Variants in RALGAPA1 observed in about 807,000 individuals in gnomAD.
RALGAPA1 encodes ral GTPase-activating protein subunit alpha-1.
A neutral mutation model predicts 269.6 loss-of-function variants in RALGAPA1; 52 were observed. The ratio of observed to expected loss-of-function variants is 0.19; its 90% CI spans 0.15 to 0.24. The LOEUF (loss-of-function observed/expected upper bound fraction) is 0.24, where lower values mean the gene tolerates loss of function less well. RALGAPA1 is among the 10% of genes least tolerant of loss of function. The probability of loss-of-function intolerance (pLI) is 1.00; values close to 1 mark genes in which losing one functional copy is unlikely to be tolerated. For synonymous variants in RALGAPA1, 817 were observed against 1,008.3 expected (o/e 0.81, Z 3.60); for missense variants, 1,917 against 3,013.9 (o/e 0.64, Z 8.52).
chr14:35,760,711 T>C, intron 6 of RALGAPA1, 118 bp downstream of exon 6: 1 of 657,984 alleles, frequency 1.5e-6, no homozygotes, highest in East Asian at 2.8e-5. Context: ...AAAAGCTATG[T>C]TTTAAAGCAT....
chr14:35,767,110 G>C, intron 4 of RALGAPA1: 1 of 243,938 alleles, frequency 4.1e-6, no homozygotes. Context: ...CTCTAACACA[G>C]TAGAGATAAA....
intron 33 of RALGAPA1, among the ~76,000 whole-genome samples, chr14:35,632,008 T>G (rs2061387682): frequency 6.6e-6 from 1 of 152,144 alleles, no homozygotes; most frequent in African/African-American, 2.4e-5. Context: ...TGTTCACAAG[T>G]CTGTCATAAT....
At chr14:35,604,770 T>C (rs1379515621) in intron 36 of RALGAPA1, among the ~76,000 whole-genome samples, 1 of 152,114 alleles carries the variant, frequency 6.6e-6, no homozygotes, top group African/African-American at 2.4e-5. Context: ...ATCTTGGAGC[T>C]ACAGATTTGG....
At chr14:35,630,695 G>T (rs1008257246) in intron 33 of RALGAPA1, among the ~76,000 whole-genome samples, 4 of 152,140 alleles carry the variant, frequency 2.6e-5, no homozygotes, top group Admixed American at 6.5e-5. Context: ...AGTAGTTCGA[G>T]ACCAGCCTGG....
intron 12 of RALGAPA1, among the ~76,000 whole-genome samples, chr14:35,737,786 A>AAAAAAAAAAAAAAAAAAAAAAAAAC: frequency 7.2e-6 from 1 of 139,168 alleles, no homozygotes; most frequent in African/African-American, 2.7e-5. Flanking sequence ...AAAAAAAAAA[A>AAAAAAAAAAAAAAAAAAAAAAAAAC]AAAAAAAAGA....
chr14:35,581,361 A>G (rs1471909718), intron 37 of RALGAPA1, among the ~76,000 whole-genome samples: 1 of 152,136 alleles, frequency 6.6e-6, no homozygotes, highest in East Asian at 1.9e-4. Context: ...ATTTCTACGA[A>G]AAGAAAGTTT....
Position 35,725,128 on chromosome 14 carries a change from T to G in RALGAPA1, c.1762A>C (p.Arg588=). 1 of 1,593,300 alleles carries G rather than the reference T, an allele frequency of 6.3e-7. No homozygotes were observed. Among genetic ancestry groups the G allele is most frequent in the South Asian group, 1.2e-5 (1 of 86,756 alleles). The part of the protein sequence containing the change: ...TWEQMLLVLL[R]VTESVLKMPS... ...ATCTTCAGTACAGATTCCGTGACTC[T>G]GAGCAACACAAGCAGCATCTGTTCC... The change falls in exon 14 of 42, where the codon AGA becomes CGA. Residue 588 remains arginine, a synonymous_variant. Transcript: ENST00000680220.
At chr14:35,550,132 A>G (rs537077111) in intron 39 of RALGAPA1, among the ~76,000 whole-genome samples, 12 of 152,364 alleles carry the variant, frequency 7.9e-5, no homozygotes, top group African/African-American at 2.6e-4. Flanking sequence ...AAGAGAGAGA[A>G]TATTTCTGTT....
chr14:35,670,653 G>A (rs999122716), intron 26 of RALGAPA1, among the ~76,000 whole-genome samples: 9 of 152,162 alleles, frequency 5.9e-5, no homozygotes, highest in Admixed American at 2.0e-4. Flanking sequence ...GGCTGGGCAC[G>A]GTGGCTCACG....
rs772352772 is a variant in RALGAPA1 at position 35,721,781 on chromosome 14, G to A, written c.2173C>T (p.Pro725Ser). The change falls in exon 16 of 42, where the codon CCT (proline) becomes TCT (serine). Residue 725 changes from proline to serine, a missense_variant. Physicochemically the swap from Pro to Ser is moderately conservative, Grantham distance 74. Transcript: ENST00000680220. ...SFSRGWSRDQ[P>S]GQAPMRQRSA... ...CTCTGTCTCATTGGGGCTTGGCCAG[G>A]CTGATCACGACTCCATCCTCTAGAA... 2 of 1,611,918 alleles carry A rather than the reference G, an allele frequency of 1.2e-6. No homozygotes were observed. Among genetic ancestry groups the A allele is most frequent in the Non-Finnish European group, 1.7e-6 (2 of 1,178,030 alleles).
intron 37 of RALGAPA1, among the ~76,000 whole-genome samples, chr14:35,594,562 C>T (rs1391928802): frequency 1.3e-5 from 2 of 151,984 alleles, no homozygotes; most frequent in Non-Finnish European, 2.9e-5. Flanking sequence ...TCTCATTAAT[C>T]ATCACAGAAA....
At chr14:35,684,698 G>C (rs919992425) in intron 20 of RALGAPA1, among the ~76,000 whole-genome samples, 1 of 152,154 alleles carries the variant, frequency 6.6e-6, no homozygotes, top group Non-Finnish European at 1.5e-5. Flanking sequence ...CCTTGCACCT[G>C]TAATCCCAGC....
chr14:35,725,461 G>A (rs1259513811), intron 13 of RALGAPA1, among the ~76,000 whole-genome samples: 1 of 152,088 alleles, frequency 6.6e-6, no homozygotes, highest in Non-Finnish European at 1.5e-5. Context: ...ATTAAGTAGT[G>A]ACCTTAAGGA....
In RALGAPA1 at chr14:35,688,926, T is replaced by C; in HGVS notation, c.3485A>G (p.Gln1162Arg). The change falls in exon 18 of 42, where the codon CAG becomes CGG. Residue 1162 changes from glutamine (Q) to arginine (R), a missense_variant. Gln to Arg is a conservative substitution (Grantham distance 43, BLOSUM62 1). Around this residue, in one of 11 missense-constraint regions of RALGAPA1, gnomAD observed 615 missense variants for 790.0 expected, o/e 0.78. Transcript: ENST00000680220. ...TTTGTTTTCCAGAGGATTATAAAAC[T>C]GAACGGACTCAGTGGATGGCCTAAA... ...VTFRPSTESVQFYNPLENKEA... is the reference protein window; with the variant it reads ...VTFRPSTESVRFYNPLENKEA... The C allele has an allele frequency of 8.0e-7, 1 of 1,254,462 alleles. No homozygotes were observed. Among genetic ancestry groups the C allele is most frequent in the Non-Finnish European group, 1.0e-6 (1 of 1,001,126 alleles). The allele number at this position is 1,254,462 out of a possible 1,614,324, so 77.7% of individuals were successfully genotyped here. A position where few individuals can be genotyped will look rare whatever the true frequency, so the allele number is the denominator to read the frequency against.
chr14:35,620,612 C>T (rs1594846793), intron 35 of RALGAPA1, among the ~76,000 whole-genome samples: 1 of 152,038 alleles, frequency 6.6e-6, no homozygotes, highest in Non-Finnish European at 1.5e-5. Flanking sequence ...TTTAGAAAAC[C>T]CCATCGTCTC....
chr14:35,589,689 A>C, intron 37 of RALGAPA1, among the ~76,000 whole-genome samples: 1 of 151,842 alleles, frequency 6.6e-6, no homozygotes, highest in African/African-American at 2.4e-5. Context: ...AAATTTATGT[A>C]TGTATTTATT....
At chr14:35,539,825 CTT>C (rs1325513889) in intron 41 of RALGAPA1, 135 bp from the exon 42 acceptor site, 2 of 1,322,820 alleles carry the variant, frequency 1.5e-6, no homozygotes, top group Non-Finnish European at 2.0e-6. Context: ...AAGCCCCAAA[CTT>C]GCTTGTTACA....
chr14:35,587,243 T>C (rs564448672), intron 37 of RALGAPA1, among the ~76,000 whole-genome samples: 1 of 152,348 alleles, frequency 6.6e-6, no homozygotes, highest in East Asian at 1.9e-4. Flanking sequence ...TTCTAGTTTA[T>C]TTGCGTAGAG....
chr14:35,655,200 T>C (rs531016938), intron 29 of RALGAPA1, among the ~76,000 whole-genome samples: 5 of 152,292 alleles, frequency 3.3e-5, no homozygotes, highest in African/African-American at 9.6e-5. Context: ...ATATCTGTCA[T>C]GTAACTATTA....
Sources: gnomAD v4.1 joint callset for allele counts (sites outside exome capture counted in the v4.1 genomes callset) on GRCh38, gnomAD v4.1.1 for gene constraint, gnomAD v4.1.1 regional missense constraint, MANE v1.5 for transcripts, NCBI Gene and HGNC (gene_info 2026-07-23, HGNC 2026-07-21) for gene names.